The following DHX8 variants were observed in gnomAD, a reference collection of about 807,000 sequenced individuals.
The protein encoded by DHX8 is DEAH-box helicase 8.
A neutral mutation model predicts 140.7 loss-of-function variants in DHX8; 67 were observed. That is an observed-to-expected ratio of 0.48 (90% CI 0.39 to 0.58). The LOEUF (loss-of-function observed/expected upper bound fraction) is 0.58, where lower values mean the gene tolerates loss of function less well. Among genes scored for constraint, DHX8 ranks in the 20% least tolerant of loss-of-function variants. The pLI is 0.00. For synonymous variants in DHX8, 533 were observed against 553.2 expected, an observed-to-expected ratio of 0.96 and a Z score of 0.51; for missense variants, 887 against 1,550.7, an observed-to-expected ratio of 0.57 and a Z score of 7.19.
intron 3 of DHX8, among the ~76,000 whole-genome samples, chr17:43,537,589 G>A (rs1021733140): frequency 1.3e-5 from 2 of 151,212 alleles, no homozygotes; most frequent in Admixed American, 6.6e-5. Context: ...CCAGCTACTC[G>A]GAAGGCTGAG....
downstream of DHX8, chr17:43,529,005 C>A: frequency 1.1e-6 from 1 of 934,164 alleles, no homozygotes; most frequent in Non-Finnish European, 1.7e-6. Context: ...TCCACAATTT[C>A]TTGTCTCTCT....
At chr17:43,522,987 C>T (rs1243311064) in intron 22 of DHX8, among the ~76,000 whole-genome samples, 3 of 147,832 alleles carry the variant, frequency 2.0e-5, no homozygotes, top group Admixed American at 6.9e-5. Flanking sequence ...AGCTTGAACC[C>T]GGGAGGCAGA....
intron 11 of DHX8, among the ~76,000 whole-genome samples, chr17:43,500,480 C>G (rs1160646906): frequency 6.6e-6 from 1 of 151,600 alleles, no homozygotes. Flanking sequence ...GAATGACACT[C>G]CATCTCGAAA....
intron 18 of DHX8, chr17:43,517,648 C>T (rs73304567): frequency 0.01 from 2,334 of 226,862 alleles, 51 homozygotes; most frequent in African/African-American, 0.051. Context: ...CACCTAACCT[C>T]AACCACTTTA....
chr17:43,498,444 G>T (rs982964655), intron 9 of DHX8, among the ~76,000 whole-genome samples: 3 of 149,348 alleles, frequency 2.0e-5, no homozygotes, highest in African/African-American at 7.4e-5. Context: ...ACTGCACCCG[G>T]CCTTTTTTTT....
At chr17:43,504,968 C>T in intron 12 of DHX8, 143 bp downstream of exon 12, 1 of 820,206 alleles carries the variant, frequency 1.2e-6, no homozygotes, top group Admixed American at 3.2e-5. Flanking sequence ...AAGGATAAAA[C>T]TTTCTAAATA....
In DHX8 at chr17:43,524,753, C is replaced by T; in HGVS notation, c.*906C>T. On this transcript the variant is annotated 3_prime_UTR_variant, in exon 23 of 23. Transcript: ENST00000262415. ...TGTTTTTATTTTTTTCCCCTGAGGTCCTGGATGGACTTTAACAAAGGGATT... is the reference window on the plus strand; with the variant it reads ...TGTTTTTATTTTTTTCCCCTGAGGTTCTGGATGGACTTTAACAAAGGGATT... 1.0e-6 allele frequency: 1 copy of T among 985,378 alleles called. No individual in the cohort carries two copies. The highest frequency in any genetic ancestry group is 1.2e-6 in the Non-Finnish European group (1 of 829,938). 61.0% of individuals were successfully genotyped at this position (985,378 alleles called of 1,614,324 possible).
At chr17:43,528,282 G>T, downstream of DHX8, 1 of 441,792 alleles carries the variant, frequency 2.3e-6, no homozygotes, top group African/African-American at 2.0e-5. Flanking sequence ...ATTCCTCCAG[G>T]GCCCAGGTGA....
chr17:43,509,738 G>A (rs1328924158), intron 16 of DHX8, among the ~76,000 whole-genome samples: 2 of 151,740 alleles, frequency 1.3e-5, no homozygotes, highest in Non-Finnish European at 2.9e-5. Context: ...GCACAATCTC[G>A]GCTCACTGCA....
At chr17:43,536,558 G>A in intron 3 of DHX8, 1 of 1,280,172 alleles carries the variant, frequency 7.8e-7, no homozygotes, top group Admixed American at 1.7e-5. Context: ...CAGCCCTGCA[G>A]ATTAGCAACA....
intron 1 of DHX8, among the ~76,000 whole-genome samples, chr17:43,488,610 TAA>T (rs60524796): frequency 3.5e-5 from 5 of 142,232 alleles, no homozygotes; most frequent in Admixed American, 1.4e-4. Context: ...GACTCTGTCT[TAA>T]AAAAAAAAAA....
At chr17:43,532,752 C>T in intron 2 of DHX8, 1 of 1,614,070 alleles carries the variant, frequency 6.2e-7, no homozygotes, top group Non-Finnish European at 8.5e-7. Context: ...TTGACCCCAC[C>T]CTGGTCCACG....
downstream of DHX8, chr17:43,528,139 TG>T (rs1340347926): frequency 1.2e-5 from 3 of 242,650 alleles, no homozygotes; most frequent in Non-Finnish European, 2.4e-5. Context: ...GGGAGCTCAG[TG>T]AACCTCCTCA....
intron 20 of DHX8, among the ~76,000 whole-genome samples, 177 bp downstream of exon 20, chr17:43,521,056 G>A (rs1241308535): frequency 7.2e-6 from 1 of 139,088 alleles, no homozygotes; most frequent in Admixed American, 7.9e-5. Context: ...TCTACCTCCC[G>A]GGTTCAAGCA....
downstream of DHX8, chr17:43,530,202 A>G: frequency 6.4e-7 from 1 of 1,552,932 alleles, no homozygotes; most frequent in South Asian, 1.2e-5. Flanking sequence ...AGAAGGGGTG[A>G]TGTGAGAAGT....
chr17:43,511,455 C>CTTTTTTTTTTTTTTT (rs1279628229), intron 16 of DHX8, among the ~76,000 whole-genome samples: 15 of 6,586 alleles, frequency 2.3e-3, no homozygotes, highest in East Asian at 5.3e-3. Context: ...GTGATCCCAG[C>CTTTTTTTTTTTTTTT]ATTTTTTTTT....
downstream of DHX8, chr17:43,530,515 C>G (rs1246733641): frequency 6.5e-6 from 7 of 1,074,280 alleles, no homozygotes; most frequent in African/African-American, 1.6e-5. Flanking sequence ...GATGAACGTC[C>G]GGGGAAAGAG....
intron 16 of DHX8, among the ~76,000 whole-genome samples, chr17:43,511,910 C>T (rs532097257): frequency 1.2e-4 from 18 of 149,952 alleles, no homozygotes; most frequent in Non-Finnish European, 2.2e-4. Flanking sequence ...GTCCCAGCTA[C>T]TCAAGAGATT....
chr17:43,520,634 C>A, intron 19 of DHX8, 117 bp from the exon 20 acceptor site: 1 of 1,198,480 alleles, frequency 8.3e-7, no homozygotes, highest in Non-Finnish European at 1.2e-6. Context: ...CATCCCAAGG[C>A]ATCATTATGC....
Sources: gnomAD v4.1 joint callset for allele counts (sites outside exome capture counted in the v4.1 genomes callset) on GRCh38, gnomAD v4.1.1 for gene constraint, MANE v1.5 for transcripts, NCBI Gene and HGNC (gene_info 2026-07-23, HGNC 2026-07-21) for gene names.